Variants in SLCO6A1 observed in about 807,000 individuals in gnomAD.
The protein encoded by SLCO6A1 is cancer/testis antigen 48.
Under a neutral mutation model 72.7 loss-of-function variants are expected in SLCO6A1, and 65 were observed. The ratio of observed to expected loss-of-function variants is 0.89; its 90% CI spans 0.73 to 1.10. The LOEUF (loss-of-function observed/expected upper bound fraction) is 1.10. Ranked by LOEUF, SLCO6A1 falls within the 50% of genes least tolerant of loss-of-function variation. The pLI is 0.00. For synonymous variants in SLCO6A1, 314 were observed against 298.2 expected (o/e 1.05, Z -0.55); for missense variants, 874 against 872.6 (o/e 1.00, Z -0.02).
intron 1 of SLCO6A1, among the ~76,000 whole-genome samples, chr5:102,493,188 A>G (rs1752762310): frequency 6.6e-6 from 1 of 152,202 alleles, no homozygotes; most frequent in South Asian, 2.1e-4. Flanking sequence ...CCTGTTACTA[A>G]AGACAGATAA....
intron 12 of SLCO6A1, among the ~76,000 whole-genome samples, chr5:102,386,913 A>C (rs1473150952): frequency 1.3e-5 from 2 of 152,154 alleles, no homozygotes; most frequent in Non-Finnish European, 2.9e-5. Context: ...ATCTCTCTGC[A>C]CTGTTCTGCC....
intron 12 of SLCO6A1, among the ~76,000 whole-genome samples, chr5:102,386,730 G>T (rs180744440): frequency 6.6e-6 from 1 of 152,300 alleles, no homozygotes; most frequent in Admixed American, 6.5e-5. Flanking sequence ...GAAGTGCAGG[G>T]CTTTGGGACT....
intron 4 of SLCO6A1, 72 bp from the exon 5 acceptor site, chr5:102,459,849 A>G: frequency 7.5e-7 from 1 of 1,327,640 alleles, no homozygotes. Flanking sequence ...AATCAAACAG[A>G]GTGGAGAAAG....
chr5:102,381,929 T>G (rs1397107280), intron 12 of SLCO6A1, among the ~76,000 whole-genome samples: 1 of 151,590 alleles, frequency 6.6e-6, no homozygotes, highest in Non-Finnish European at 1.5e-5. Flanking sequence ...CTTTACTTAC[T>G]AATAAGTGTT....
chr5:102,431,179 C>T (rs979794012), intron 7 of SLCO6A1, among the ~76,000 whole-genome samples: 15 of 150,472 alleles, frequency 1.0e-4, no homozygotes, highest in Admixed American at 9.9e-4. Context: ...TTTGGATCTT[C>T]TCTCTTATTA....
At chr5:102,392,952 A>G (rs895491172) in intron 10 of SLCO6A1, among the ~76,000 whole-genome samples, 3 of 152,116 alleles carry the variant, frequency 2.0e-5, no homozygotes, top group Non-Finnish European at 4.4e-5. Context: ...AAAACATGGA[A>G]CATTTGTTTA....
intron 9 of SLCO6A1, among the ~76,000 whole-genome samples, chr5:102,409,402 T>C (rs1747848325): frequency 6.6e-6 from 1 of 152,190 alleles, no homozygotes; most frequent in Non-Finnish European, 1.5e-5. Flanking sequence ...GAAAATATTT[T>C]TTAAAGGGGA....
In SLCO6A1 at chr5:102,487,069, C is replaced by A. The variant is rs145646478; in HGVS notation, c.359-6635G>T. 5.5e-3 allele frequency among the ~76,000 whole-genome samples: 836 copies of A among 152,170 alleles called. 4 individuals are homozygous for A. Among genetic ancestry groups the A allele is most frequent in the African/African-American group, 0.019 (803 of 41,512 alleles). ...CATTTACAGCTATTATTTTAATTTT[C>A]ATATGTGAATATAAAAATTTGGAAT... On this transcript the variant is annotated intron_variant, in intron 1 of 13. Coordinates refer to ENST00000506729, the MANE Select transcript of SLCO6A1 (RefSeq NM_173488.5).
chr5:102,392,654 T>C (rs1396016685), intron 10 of SLCO6A1, among the ~76,000 whole-genome samples: 1 of 152,006 alleles, frequency 6.6e-6, no homozygotes. Flanking sequence ...GAAATACGAA[T>C]ACACAACTAA....
intron 9 of SLCO6A1, among the ~76,000 whole-genome samples, chr5:102,405,197 G>A (rs987216625): frequency 6.6e-6 from 1 of 151,932 alleles, no homozygotes; most frequent in Admixed American, 6.6e-5. Flanking sequence ...ACCTGTAGAA[G>A]TTCTAAATGA....
chr5:102,418,957 T>C (rs1901520), intron 8 of SLCO6A1, among the ~76,000 whole-genome samples: 71,705 of 151,834 alleles, frequency 0.47, 18,650 homozygotes, highest in Non-Finnish European at 0.57. Flanking sequence ...TACCATGGCC[T>C]TTCTATGTAC....
chr5:102,381,354 T>C (rs967988546), intron 12 of SLCO6A1, among the ~76,000 whole-genome samples: 4 of 151,856 alleles, frequency 2.6e-5, no homozygotes, highest in Non-Finnish European at 4.4e-5. Context: ...CTTATTTTGC[T>C]TAACATGATG....
chr5:102,418,638 C>T (rs968096550), intron 8 of SLCO6A1, among the ~76,000 whole-genome samples: 2 of 152,116 alleles, frequency 1.3e-5, no homozygotes, highest in Non-Finnish European at 2.9e-5. Flanking sequence ...TGGCTGACCA[C>T]ACTAATCCAA....
chr5:102,467,042 T>C (rs1488391074), intron 4 of SLCO6A1, among the ~76,000 whole-genome samples: 1 of 152,164 alleles, frequency 6.6e-6, no homozygotes, highest in Non-Finnish European at 1.5e-5. Flanking sequence ...TCGTCAATTT[T>C]TGTTTTTGTT....
At chr5:102,465,391 G>C (rs759448847) in intron 4 of SLCO6A1, among the ~76,000 whole-genome samples, 1 of 151,998 alleles carries the variant, frequency 6.6e-6, no homozygotes, top group Non-Finnish European at 1.5e-5. Flanking sequence ...TTGAGTCCTA[G>C]TTGCCCCAAG....
chr5:102,382,963 A>G (rs10066623), intron 12 of SLCO6A1, among the ~76,000 whole-genome samples: 49 of 140,488 alleles, frequency 3.5e-4, no homozygotes, highest in African/African-American at 1.4e-3. Flanking sequence ...AGATATATAT[A>G]TGTGTATATA....
intron 7 of SLCO6A1, among the ~76,000 whole-genome samples, chr5:102,433,011 C>G (rs1294958680): frequency 6.6e-6 from 1 of 152,050 alleles, no homozygotes; most frequent in Non-Finnish European, 1.5e-5. Context: ...TGTCTTGTTT[C>G]AGAAACCCAA....
intron 12 of SLCO6A1, among the ~76,000 whole-genome samples, chr5:102,386,768 T>C (rs929284767): frequency 1.3e-5 from 2 of 151,988 alleles, no homozygotes; most frequent in African/African-American, 4.8e-5. Flanking sequence ...AGGCCTGGAG[T>C]TTCCTCCACA....
At chr5:102,379,226 T>C (rs1219305788) in intron 12 of SLCO6A1, among the ~76,000 whole-genome samples, 1 of 152,206 alleles carries the variant, frequency 6.6e-6, no homozygotes, top group Non-Finnish European at 1.5e-5. Context: ...TTCACTTTGG[T>C]TCACTGTATT....
Sources: allele counts gnomAD v4.1 joint callset (sites outside exome capture counted in the v4.1 genomes callset), GRCh38; gene constraint gnomAD v4.1.1; transcripts MANE v1.5; gene names NCBI Gene and HGNC (gene_info 2026-07-23, HGNC 2026-07-21).